COLQ: variants seen among roughly 807,000 people sequenced by gnomAD.
The protein encoded by COLQ is acetylcholinesterase collagenic tail peptide.
A neutral mutation model predicts 69.0 loss-of-function variants in COLQ; 48 were observed. The ratio of observed to expected loss-of-function variants is 0.70; its 90% CI spans 0.55 to 0.88. The LOEUF is 0.88. Among genes scored for constraint, COLQ ranks in the 40% least tolerant of loss-of-function variants. The pLI, the probability that COLQ is intolerant of heterozygous loss-of-function variation, is 0.00. For synonymous variants in COLQ, 217 were observed against 211.2 expected (o/e 1.03, Z -0.24); for missense variants, 618 against 594.6 (o/e 1.04, Z -0.41).
intron 1 of COLQ, among the ~76,000 whole-genome samples, chr3:15,511,424 G>C (rs1284199752): frequency 6.6e-6 from 1 of 152,242 alleles, no homozygotes; most frequent in South Asian, 2.1e-4. Context: ...ACAGCAGAGG[G>C]AAGTAAGGGC....
chr3:15,488,477 C>G lies in COLQ; in HGVS notation c.220-170G>C, dbSNP rs913195955. Among the ~76,000 whole-genome samples, 22 of 152,262 alleles carry G rather than the reference C, an allele frequency of 1.4e-4. 1 individual carries two copies. The highest frequency in any genetic ancestry group is 1.0e-3 in the Admixed American group (16 of 15,294). On this transcript the variant is annotated intron_variant, in intron 2 of 16. Coordinates refer to ENST00000383788, the MANE Select transcript of COLQ (RefSeq NM_005677.4). Reference sequence around the variant, plus strand: ...ACCTTGGGCTACCAGTTTCTGTTCTCTCATCTGCTCTTGAGACGAACCTGG... The same window carrying G: ...ACCTTGGGCTACCAGTTTCTGTTCTGTCATCTGCTCTTGAGACGAACCTGG...
At chr3:15,488,430 A>C in intron 2 of COLQ, 123 bp from the exon 3 acceptor site, 3 of 770,012 alleles carry the variant, frequency 3.9e-6, no homozygotes, top group Non-Finnish European at 6.7e-6. Context: ...TGACACCCCA[A>C]TGACTGCCCC....
At position 15,503,981 on chromosome 3, in the gene COLQ, T is replaced by C. The variant is rs1575492906; in HGVS notation, c.107-14344A>G. 2.0e-5 allele frequency among the ~76,000 whole-genome samples: 3 copies of C among 152,242 alleles called. No homozygotes were observed. The East Asian group carries it at 5.8e-4, about 29-fold the overall frequency. ...TCCAATCAAACCCAATGACTGTTCA[T>C]CTCTGGGTTTCAGTTTCCTGGTTTG... On this transcript the variant is annotated intron_variant, in intron 1 of 16. Coordinates refer to ENST00000383788, the MANE Select transcript of COLQ (RefSeq NM_005677.4).
chr3:15,508,743 T>C (rs1324816399), intron 1 of COLQ, among the ~76,000 whole-genome samples: 1 of 152,150 alleles, frequency 6.6e-6, no homozygotes, highest in Non-Finnish European at 1.5e-5. Flanking sequence ...TTACACCTTT[T>C]GAATTTTGCC....
At chr3:15,486,703 C>T (rs1204875541) in intron 3 of COLQ, among the ~76,000 whole-genome samples, 4 of 152,186 alleles carry the variant, frequency 2.6e-5, no homozygotes, top group Non-Finnish European at 2.9e-5. Context: ...CTCTGGCCAA[C>T]TCTGGGTTCA....
intron 1 of COLQ, among the ~76,000 whole-genome samples, chr3:15,514,759 G>C (rs2063035308): frequency 6.6e-6 from 1 of 152,170 alleles, no homozygotes; most frequent in South Asian, 2.1e-4. Context: ...GCCCAGAGGG[G>C]GCTAGAGAGG....
chr3:15,465,632 T>C (rs1176614582), intron 12 of COLQ, among the ~76,000 whole-genome samples: 1 of 93,280 alleles, frequency 1.1e-5, no homozygotes, highest in Admixed American at 1.2e-4. Flanking sequence ...TTTTTTTTTT[T>C]GGAGACAGAG....
chr3:15,457,153 C>T (rs770013059), intron 13 of COLQ, among the ~76,000 whole-genome samples: 16 of 152,124 alleles, frequency 1.1e-4, no homozygotes, highest in African/African-American at 2.7e-4. Flanking sequence ...ATATTTAAAA[C>T]GTTCCCAAGA....
intron 1 of COLQ, among the ~76,000 whole-genome samples, chr3:15,496,856 TC>T (rs1396680973): frequency 6.6e-6 from 1 of 152,188 alleles, no homozygotes; most frequent in East Asian, 1.9e-4. Context: ...CTGAGGCACA[TC>T]TTTGGAAAGC....
intron 14 of COLQ, 42 bp from the exon 15 acceptor site, chr3:15,456,061 C>T (rs1311800928): frequency 1.2e-6 from 2 of 1,612,064 alleles, no homozygotes; most frequent in Non-Finnish European, 1.7e-6. Flanking sequence ...GCATGGCATA[C>T]CCAGGCAGCC....
intron 10 of COLQ, among the ~76,000 whole-genome samples, chr3:15,472,598 A>T (rs1339407392): frequency 2.6e-5 from 4 of 152,242 alleles, no homozygotes; most frequent in Non-Finnish European, 5.9e-5. Flanking sequence ...GTCTTATGGC[A>T]TGAGGAGCCA....
At chr3:15,495,613 C>G (rs540760544) in intron 1 of COLQ, among the ~76,000 whole-genome samples, 2 of 152,052 alleles carry the variant, frequency 1.3e-5, no homozygotes, top group African/African-American at 4.8e-5. Context: ...ACAGGGTGAC[C>G]CTGTCTGAAG....
intron 1 of COLQ, among the ~76,000 whole-genome samples, chr3:15,493,861 A>T (rs1001892368): frequency 6.6e-6 from 1 of 152,242 alleles, no homozygotes; most frequent in South Asian, 2.1e-4. Context: ...AGGTGGGCAG[A>T]TCACTTGAGG....
chr3:15,468,375 C>T (rs1172232295), intron 11 of COLQ, among the ~76,000 whole-genome samples: 1 of 138,260 alleles, frequency 7.2e-6, no homozygotes, highest in Non-Finnish European at 1.5e-5. Flanking sequence ...CTCTGTCGCC[C>T]AGGCTGGAGT....
chr3:15,459,208 A>G (rs984186460), intron 12 of COLQ, among the ~76,000 whole-genome samples: 3 of 152,206 alleles, frequency 2.0e-5, no homozygotes, highest in African/African-American at 4.8e-5. Flanking sequence ...GGAAGAAAAT[A>G]GAACATTAGT....
At chr3:15,453,322 C>T (rs901284132) in intron 16 of COLQ, among the ~76,000 whole-genome samples, 1 of 152,130 alleles carries the variant, frequency 6.6e-6, no homozygotes, top group East Asian at 1.9e-4. Flanking sequence ...CTTGGAGGGG[C>T]CATGAGCTTG....
chr3:15,470,517 T>C lies in COLQ; in HGVS notation c.717+19A>G. 1 of 1,612,314 alleles carries C rather than the reference T, an allele frequency of 6.2e-7. No homozygotes were observed. The highest frequency in any genetic ancestry group is 8.5e-7 in the Non-Finnish European group (1 of 1,179,382). ...GGAAGTTCTGACCTCAGGCGGGTGG[T>C]AAGCCCTGGGATCCTTACCTGCTTG... On this transcript the variant is annotated intron_variant, in intron 11 of 16. Coordinates refer to ENST00000383788, the MANE Select transcript of COLQ (RefSeq NM_005677.4).
intron 1 of COLQ, among the ~76,000 whole-genome samples, chr3:15,507,968 C>A (rs2062934109): frequency 6.6e-6 from 1 of 151,756 alleles, no homozygotes; most frequent in Non-Finnish European, 1.5e-5. Flanking sequence ...TTGGTTTTTG[C>A]CACACATTAT....
intron 12 of COLQ, among the ~76,000 whole-genome samples, chr3:15,462,847 T>G (rs1410472921): frequency 6.6e-6 from 1 of 151,366 alleles, no homozygotes; most frequent in Non-Finnish European, 1.5e-5. Context: ...GTGAGAGGAG[T>G]GCCATGTAAG....
Sources: gnomAD v4.1 joint callset for allele counts (sites outside exome capture counted in the v4.1 genomes callset) on GRCh38, gnomAD v4.1.1 for gene constraint, MANE v1.5 for transcripts, NCBI Gene and HGNC (gene_info 2026-07-23, HGNC 2026-07-21) for gene names.